Variants in FNDC3A observed in about 807,000 individuals in gnomAD.
FNDC3A encodes fibronectin type III domain containing 3A.
Under a neutral mutation model 148.9 loss-of-function variants are expected in FNDC3A, and 32 were observed. The ratio of observed to expected loss-of-function variants is 0.21; its 90% confidence interval spans 0.16 to 0.29. The LOEUF (loss-of-function observed/expected upper bound fraction) is 0.29. Among genes scored for constraint, FNDC3A ranks in the 10% least tolerant of loss-of-function variants. The pLI is 1.00. For synonymous variants in FNDC3A, 472 were observed against 473.6 expected, an observed-to-expected ratio of 1.00 and a Z score of 0.04; for missense variants, 1,191 against 1,452.8, an observed-to-expected ratio of 0.82 and a Z score of 2.93.
chr13:49,198,367 G>T lies in FNDC3A; in HGVS notation c.2780G>T (p.Arg927Leu). The T allele has an allele frequency of 6.2e-7, 1 of 1,613,922 alleles. No individual in the cohort carries two copies. ...TTTTCTTATGTGGCACTTAGAATAC[G>T]AATTCAAGCCTTGAATAGCCTTGGA... ...NLQPDTTYRIRIQALNSLGAG... is the reference protein window; with the variant it reads ...NLQPDTTYRILIQALNSLGAG... Residue 927 changes from arginine (R) to leucine (L), a missense_variant, in exon 23 of 26, where the codon CGA becomes CTA. Physicochemically the swap from Arg to Leu is moderately radical, Grantham distance 102. Around this residue, in one of 3 missense-constraint regions of FNDC3A, gnomAD observed 751 missense variants for 944.0 expected, o/e 0.80. Coordinates refer to ENST00000492622, the MANE Select transcript of FNDC3A (RefSeq NM_001079673.2).
At chr13:49,119,281 A>G (rs1314085907) in intron 4 of FNDC3A, among the ~76,000 whole-genome samples, 2 of 152,230 alleles carry the variant, frequency 1.3e-5, no homozygotes, top group Non-Finnish European at 2.9e-5. Context: ...CTAGAAGGAA[A>G]GTAAAAGAAA....
intron 2 of FNDC3A, among the ~76,000 whole-genome samples, chr13:49,050,834 T>A (rs1245687327): frequency 6.6e-6 from 1 of 152,204 alleles, no homozygotes; most frequent in African/African-American, 2.4e-5. Flanking sequence ...CAGTGTTAGG[T>A]GCATATATAT....
chr13:49,146,021 CCTT>C (rs1374899821), intron 8 of FNDC3A, 86 bp downstream of exon 8: 8 of 955,532 alleles, frequency 8.4e-6, no homozygotes, highest in South Asian at 1.8e-5. Flanking sequence ...CTCTACTTTT[CCTT>C]CTTCACGCTT....
chr13:49,042,745 C>G (rs906881583), intron 2 of FNDC3A, among the ~76,000 whole-genome samples: 1 of 152,068 alleles, frequency 6.6e-6, no homozygotes, highest in African/African-American at 2.4e-5. Context: ...CCACTGTACT[C>G]CAGCCTAGGC....
In FNDC3A at chr13:49,191,017, C is replaced by A; in HGVS notation, c.1947C>A (p.Val649=). 2.5e-6 allele frequency: 4 copies of A among 1,606,488 alleles called. No individual in the cohort carries two copies. The highest frequency in any genetic ancestry group is 3.4e-6 in the Non-Finnish European group (4 of 1,177,432). Residue 649 remains valine, a splice_region_variant and synonymous_variant, in exon 18 of 26, where the codon GTC becomes GTA. Transcript: ENST00000492622. ...TCTTTTTGCTTTTGTTTTGGCAGGT[C>A]TCTGAATCTTTACTTGTGCAGACTC... ...YCISDGGQSA[V]SESLLVQTPA...
intron 7 of FNDC3A, among the ~76,000 whole-genome samples, chr13:49,141,828 A>G (rs1242035328): frequency 6.6e-6 from 1 of 152,126 alleles, no homozygotes; most frequent in Non-Finnish European, 1.5e-5. Context: ...TACCATCTTT[A>G]TCAGTTCTTA....
intron 2 of FNDC3A, among the ~76,000 whole-genome samples, chr13:49,063,437 A>T (rs536830392): frequency 1.3e-5 from 2 of 152,310 alleles, no homozygotes; most frequent in South Asian, 4.1e-4. Context: ...ATGGAAGTAG[A>T]GCTTATTTGG....
At chr13:49,038,493 A>G (rs1205624708) in intron 2 of FNDC3A, among the ~76,000 whole-genome samples, 2 of 152,322 alleles carry the variant, frequency 1.3e-5, no homozygotes, top group Non-Finnish European at 1.5e-5. Context: ...TCTACACGTC[A>G]TGGAGAAAGA....
At chr13:49,132,014 C>A (rs1340796572) in intron 5 of FNDC3A, among the ~76,000 whole-genome samples, 1 of 152,178 alleles carries the variant, frequency 6.6e-6, no homozygotes, top group African/African-American at 2.4e-5. Context: ...CCACGACTTG[C>A]TTTTTTTCCG....
At chr13:49,159,613 T>C (rs1024499913) in intron 8 of FNDC3A, among the ~76,000 whole-genome samples, 2 of 152,186 alleles carry the variant, frequency 1.3e-5, no homozygotes, top group South Asian at 2.1e-4. Flanking sequence ...CATTTATTTC[T>C]TTCTCCTGCC....
Position 49,059,694 on chromosome 13 carries a change from C to T in FNDC3A, c.100-15595C>T, listed in dbSNP as rs550047230. ...TGGTCTCAAAACTCCTGACCTCAAGCGATCCTCCCACCTCAGCCTCCCAAA... is the reference window on the plus strand; with the variant it reads ...TGGTCTCAAAACTCCTGACCTCAAGTGATCCTCCCACCTCAGCCTCCCAAA... On this transcript the variant is annotated intron_variant, in intron 2 of 25. Transcript: ENST00000492622. 2.3e-3 allele frequency among the ~76,000 whole-genome samples: 344 copies of T among 152,122 alleles called. 1 individual carries two copies. Among genetic ancestry groups the T allele is most frequent in the African/African-American group, 7.9e-3 (329 of 41,514 alleles).
chr13:49,075,637 C>G (rs1414148186), intron 3 of FNDC3A, among the ~76,000 whole-genome samples: 2 of 152,152 alleles, frequency 1.3e-5, no homozygotes, highest in African/African-American at 2.4e-5. Flanking sequence ...GTCCAGGTGT[C>G]TTAGTTTTTC....
chr13:49,126,923 G>A (rs556232726), intron 4 of FNDC3A, among the ~76,000 whole-genome samples: 2 of 152,188 alleles, frequency 1.3e-5, no homozygotes, highest in South Asian at 2.1e-4. Flanking sequence ...GAAATTATAG[G>A]AGAGAGAGAT....
Position 49,081,801 on chromosome 13 carries a change from A to C in FNDC3A, c.175+6437A>C, listed in dbSNP as rs369793291. On this transcript the variant is annotated intron_variant, in intron 3 of 25. Coordinates refer to ENST00000492622, the MANE Select transcript of FNDC3A (RefSeq NM_001079673.2). ...CAGTGAGGGACAAAAATGAATAAGCACTGTTTATTTTCTCAAGCTTATTTG... is the reference window on the plus strand; with the variant it reads ...CAGTGAGGGACAAAAATGAATAAGCCCTGTTTATTTTCTCAAGCTTATTTG... Among the ~76,000 whole-genome samples the C allele has an allele frequency of 2.3e-4, 35 of 152,264 alleles. No individual in the cohort carries two copies. In the East Asian group the frequency reaches 6.0e-3, roughly 26 times the overall value.
intron 3 of FNDC3A, 45 bp downstream of exon 3, chr13:49,075,409 C>T (rs184527295): frequency 9.6e-5 from 113 of 1,173,602 alleles, no homozygotes; most frequent in Non-Finnish European, 1.3e-4. Flanking sequence ...CAAATAAACC[C>T]CAAAAATTTA....
intron 2 of FNDC3A, among the ~76,000 whole-genome samples, chr13:49,034,708 C>T (rs1874370579): frequency 1.3e-5 from 2 of 151,880 alleles, no homozygotes; most frequent in South Asian, 4.1e-4. Context: ...AAAGATAAGG[C>T]AGAAATTTTA....
At chr13:48,989,992 C>T (rs992331844) in intron 1 of FNDC3A, among the ~76,000 whole-genome samples, 13 of 151,946 alleles carry the variant, frequency 8.6e-5, no homozygotes, top group African/African-American at 1.9e-4. Context: ...CCTCGTGATC[C>T]GCCCACCTTC....
chr13:49,014,896 A>C (rs2137623198), intron 2 of FNDC3A, among the ~76,000 whole-genome samples: 1 of 149,116 alleles, frequency 6.7e-6, no homozygotes, highest in South Asian at 2.2e-4. Flanking sequence ...TTTGTCAAAG[A>C]TCAGATAGTT....
chr13:49,056,078 T>A (rs983653788), intron 2 of FNDC3A, among the ~76,000 whole-genome samples: 3 of 151,842 alleles, frequency 2.0e-5, no homozygotes, highest in African/African-American at 7.3e-5. Context: ...TCCCAGCTAC[T>A]CAGAGGCTGA....
Sources: gnomAD v4.1 joint callset for allele counts (sites outside exome capture counted in the v4.1 genomes callset) on GRCh38, gnomAD v4.1.1 for gene constraint, gnomAD v4.1.1 regional missense constraint, MANE v1.5 for transcripts, NCBI Gene and HGNC (gene_info 2026-07-23, HGNC 2026-07-21) for gene names.